CNKSR2: variants seen among roughly 807,000 people sequenced by gnomAD.
The protein encoded by CNKSR2 is connector enhancer of kinase suppressor of Ras 2.
A neutral mutation model predicts 84.4 loss-of-function variants in CNKSR2; 14 were observed. The ratio of observed to expected loss-of-function variants is 0.17; its 90% confidence interval spans 0.11 to 0.26. The LOEUF (loss-of-function observed/expected upper bound fraction) is 0.26. Among genes scored for constraint, CNKSR2 ranks in the 10% least tolerant of loss-of-function variants. The pLI, the probability that CNKSR2 is intolerant of heterozygous loss-of-function variation, is 1.00. For missense variants in CNKSR2, 485 were observed against 771.2 expected, an observed-to-expected ratio of 0.63 and a Z score of 4.40; for synonymous variants, 275 against 277.9, an observed-to-expected ratio of 0.99 and a Z score of 0.10.
chrX:21,520,283 A>C (rs1034137799), intron 9 of CNKSR2, among the ~76,000 whole-genome samples: 1 of 111,039 alleles, frequency 9.0e-6, no homozygotes, highest in Non-Finnish European at 1.9e-5. Flanking sequence ...GGAAGCTTTA[A>C]TTCTGTTGTC....
At chrX:21,377,949 G>T (rs554666761) in intron 1 of CNKSR2, among the ~76,000 whole-genome samples, 9 of 111,630 alleles carry the variant, frequency 8.1e-5, no homozygotes, top group Middle Eastern at 4.8e-3. Context: ...TAAAATATTT[G>T]AGGGAGATGG....
intron 1 of CNKSR2, among the ~76,000 whole-genome samples, chrX:21,420,155 A>T (rs1301461193): frequency 2.7e-5 from 3 of 112,330 alleles, no homozygotes; most frequent in Non-Finnish European, 5.6e-5. Context: ...AAGGCAGAGG[A>T]TCCCCACCCC....
intron 5 of CNKSR2, among the ~76,000 whole-genome samples, chrX:21,489,899 G>C (rs1003838860): frequency 4.5e-5 from 5 of 111,570 alleles, no homozygotes; most frequent in African/African-American, 1.6e-4. Flanking sequence ...AAATAGTTTC[G>C]CAGTTTCAGA....
intron 8 of CNKSR2, 37 bp from the exon 9 acceptor site, chrX:21,516,448 A>G: frequency 8.4e-7 from 1 of 1,184,916 alleles, no homozygotes; most frequent in Non-Finnish European, 1.1e-6. Flanking sequence ...TGAATACTGT[A>G]CCTCAATTTT....
intron 1 of CNKSR2, among the ~76,000 whole-genome samples, chrX:21,385,196 C>T (rs191149653): frequency 1.6e-4 from 18 of 111,687 alleles, no homozygotes; most frequent in African/African-American, 5.2e-4. Context: ...TGTATCCTGA[C>T]TTTATCACTT....
chrX:21,482,327 T>G (rs186635274), intron 5 of CNKSR2, among the ~76,000 whole-genome samples: 2 of 112,145 alleles, frequency 1.8e-5, no homozygotes, highest in East Asian at 5.6e-4. Flanking sequence ...AACATTTGAC[T>G]AAGCATCAGC....
At chrX:21,615,428 A>G (rs1214118233) in intron 20 of CNKSR2, among the ~76,000 whole-genome samples, 1 of 111,693 alleles carries the variant, frequency 9.0e-6, no homozygotes, top group Non-Finnish European at 1.9e-5. Context: ...CTCAGTTCAA[A>G]TCCTTGCTTT....
At chrX:21,398,716 C>A (rs1230484240) in intron 1 of CNKSR2, among the ~76,000 whole-genome samples, 12 of 111,765 alleles carry the variant, frequency 1.1e-4, no homozygotes, top group Non-Finnish European at 2.1e-4. Flanking sequence ...CATAGTGTAA[C>A]TTAAATATTT....
intron 1 of CNKSR2, among the ~76,000 whole-genome samples, chrX:21,379,792 A>G (rs2089871252): frequency 8.9e-6 from 1 of 111,826 alleles, no homozygotes. Context: ...GCCAACTAGC[A>G]CATGTAGTAA....
At position 21,500,643 on chromosome X, in the gene CNKSR2, A is replaced by G. The variant is rs1421737285; in HGVS notation, c.742-877A>G. Reference sequence around the variant, plus strand: ...TTTAAATTCATTACTCAGACCTGCAATATAAAATTTCTATCTTAAATCTCA... The same window carrying G: ...TTTAAATTCATTACTCAGACCTGCAGTATAAAATTTCTATCTTAAATCTCA... On this transcript the variant is annotated intron_variant, in intron 7 of 21. Coordinates refer to ENST00000379510, the MANE Select transcript of CNKSR2 (RefSeq NM_014927.5). Among the ~76,000 whole-genome samples the G allele has an allele frequency of 2.7e-5, 3 of 111,703 alleles. No individual in the cohort carries two copies. The East Asian group carries it at 8.4e-4, about 31-fold the overall frequency.
At chrX:21,379,566 G>T (rs1032343427) in intron 1 of CNKSR2, among the ~76,000 whole-genome samples, 1 of 112,184 alleles carries the variant, frequency 8.9e-6, no homozygotes, top group Admixed American at 9.4e-5. Context: ...ATTAACATTT[G>T]CTCCTTAATG....
At chrX:21,630,656 G>A (rs1240636191) in intron 20 of CNKSR2, among the ~76,000 whole-genome samples, 1 of 109,697 alleles carries the variant, frequency 9.1e-6, no homozygotes, top group African/African-American at 3.3e-5. Flanking sequence ...TTTAATACAG[G>A]TTAAAATTTA....
intron 20 of CNKSR2, among the ~76,000 whole-genome samples, chrX:21,628,590 C>T (rs777033171): frequency 8.9e-6 from 1 of 112,159 alleles, no homozygotes; most frequent in East Asian, 2.8e-4. Context: ...CTGAACACCA[C>T]AGGAAGCTGC....
chrX:21,548,313 A>C (rs1379956174), intron 11 of CNKSR2, among the ~76,000 whole-genome samples: 1 of 111,941 alleles, frequency 8.9e-6, no homozygotes, highest in Non-Finnish European at 1.9e-5. Flanking sequence ...TAAACTAGAA[A>C]ATCTAGAAGA....
In CNKSR2 at chrX:21,546,571, C is replaced by T. The variant is rs769628571; in HGVS notation, c.1303+14504C>T. Among the ~76,000 whole-genome samples the T allele has an allele frequency of 3.0e-3, 328 of 110,477 alleles. 1 individual carries two copies. The highest frequency in any genetic ancestry group is 9.8e-3 in the African/African-American group (298 of 30,342). The stretch of plus-strand genomic sequence containing the variant: ...AGGCCAAATTCAAATTCAGGAAATA[C>T]GGAGAAAACCACAAAGATACTCCTC... On this transcript the variant is annotated intron_variant, in intron 11 of 21. Coordinates refer to ENST00000379510, the MANE Select transcript of CNKSR2 (RefSeq NM_014927.5).
At chrX:21,551,600 G>T (rs917284674) in intron 11 of CNKSR2, among the ~76,000 whole-genome samples, 1 of 111,988 alleles carries the variant, frequency 8.9e-6, no homozygotes, top group African/African-American at 3.3e-5. Flanking sequence ...TCTGGGTTCA[G>T]TATTGTCCCC....
At chrX:21,580,560 T>G (rs1204756600) in intron 13 of CNKSR2, among the ~76,000 whole-genome samples, 1 of 111,684 alleles carries the variant, frequency 9.0e-6, no homozygotes, top group Non-Finnish European at 1.9e-5. Context: ...GAAAAAAACT[T>G]TGATTTCAGA....
chrX:21,563,018 A>T (rs1042839877), intron 12 of CNKSR2, among the ~76,000 whole-genome samples: 3 of 111,807 alleles, frequency 2.7e-5, no homozygotes, highest in Non-Finnish European at 1.9e-5. Flanking sequence ...AATAATTAAG[A>T]TATACTGTAT....
intron 5 of CNKSR2, among the ~76,000 whole-genome samples, chrX:21,472,295 C>A (rs369550008): frequency 8.9e-6 from 1 of 111,854 alleles, no homozygotes; most frequent in African/African-American, 3.2e-5. Context: ...TTACTGAATT[C>A]GACTTTGGTA....
Sources: gnomAD v4.1 joint callset for allele counts (sites outside exome capture counted in the v4.1 genomes callset) on GRCh38, gnomAD v4.1.1 for gene constraint, MANE v1.5 for transcripts, NCBI Gene and HGNC (gene_info 2026-07-23, HGNC 2026-07-21) for gene names.